The following PIGK variants were observed in gnomAD, a reference collection of about 807,000 sequenced individuals.
PIGK encodes the protein GPI-anchor transamidase.
A neutral mutation model predicts 50.6 loss-of-function variants in PIGK; 42 were observed. That is an observed-to-expected ratio of 0.83 (90% CI 0.65 to 1.07). The LOEUF (loss-of-function observed/expected upper bound fraction) is 1.07. Ranked by LOEUF, PIGK falls within the 50% of genes least tolerant of loss-of-function variation. The probability of loss-of-function intolerance (pLI) is 0.00; values close to 1 mark genes in which losing one functional copy is unlikely to be tolerated. For missense variants in PIGK, 448 were observed against 488.7 expected (o/e 0.92, Z 0.78); for synonymous variants, 151 against 156.0 (o/e 0.97, Z 0.24).
At chr1:77,170,078 A>G (rs1655326487) in intron 3 of PIGK, among the ~76,000 whole-genome samples, 1 of 152,154 alleles carries the variant, frequency 6.6e-6, no homozygotes, top group Non-Finnish European at 1.5e-5. Flanking sequence ...ACCCTCTTTC[A>G]GTTCATTCTC....
At chr1:77,126,052 A>C (rs1390829829) in intron 9 of PIGK, among the ~76,000 whole-genome samples, 3 of 151,976 alleles carry the variant, frequency 2.0e-5, no homozygotes, top group Non-Finnish European at 4.4e-5. Flanking sequence ...GCTGTTTCAC[A>C]TATCTTCCTG....
chr1:77,130,408 A>G (rs753804475), intron 9 of PIGK, among the ~76,000 whole-genome samples: 17 of 150,884 alleles, frequency 1.1e-4, no homozygotes, highest in Non-Finnish European at 1.9e-4. Context: ...GTACAGTGTA[A>G]AGGGGAAATC....
At chr1:77,163,266 T>C (rs1557810744) in intron 6 of PIGK, among the ~76,000 whole-genome samples, 1 of 152,208 alleles carries the variant, frequency 6.6e-6, no homozygotes, top group Non-Finnish European at 1.5e-5. Context: ...ATAAGCATCA[T>C]ATTCCACTTT....
intron 2 of PIGK, among the ~76,000 whole-genome samples, chr1:77,207,513 T>C (rs1656316207): frequency 6.6e-6 from 1 of 152,066 alleles, no homozygotes; most frequent in South Asian, 2.1e-4. Context: ...CAGTTGTAAA[T>C]GTACATAAGA....
chr1:77,164,449 AT>A (rs1655193481), intron 5 of PIGK, among the ~76,000 whole-genome samples: 1 of 152,180 alleles, frequency 6.6e-6, no homozygotes, highest in South Asian at 2.1e-4. Flanking sequence ...TTCCTCAGCC[AT>A]AAAGTGAGAA....
At chr1:77,198,066 T>C (rs1656076064) in intron 3 of PIGK, among the ~76,000 whole-genome samples, 1 of 152,146 alleles carries the variant, frequency 6.6e-6, no homozygotes, top group African/African-American at 2.4e-5. Context: ...GCTCTGAAGA[T>C]AGGCTACTGT....
intron 9 of PIGK, among the ~76,000 whole-genome samples, chr1:77,123,745 T>TA (rs1213331078): frequency 6.6e-6 from 1 of 152,126 alleles, no homozygotes; most frequent in African/African-American, 2.4e-5. Context: ...TAAATGTATT[T>TA]AATGCCACTA....
At chr1:77,113,803 CTCTTT>C (rs1311820518) in intron 10 of PIGK, among the ~76,000 whole-genome samples, 1 of 152,124 alleles carries the variant, frequency 6.6e-6, no homozygotes, top group Non-Finnish European at 1.5e-5. Context: ...CAAAAACTTT[CTCTTT>C]TCAAGTGAGC....
chr1:77,206,463 G>A (rs565986098), intron 3 of PIGK, among the ~76,000 whole-genome samples, 177 bp downstream of exon 3: 7 of 151,674 alleles, frequency 4.6e-5, no homozygotes, highest in Non-Finnish European at 1.0e-4. Flanking sequence ...TGTCATTATG[G>A]TCTTAAGTAA....
intron 9 of PIGK, among the ~76,000 whole-genome samples, chr1:77,132,116 C>T (rs1160971186): frequency 1.3e-5 from 2 of 151,938 alleles, no homozygotes; most frequent in African/African-American, 2.4e-5. Context: ...ATTACGTTAG[C>T]CACCTCCAAA....
chr1:77,149,606 A>T (rs1258592043), intron 9 of PIGK, among the ~76,000 whole-genome samples: 1 of 152,300 alleles, frequency 6.6e-6, no homozygotes, highest in Non-Finnish European at 1.5e-5. Flanking sequence ...TAAAGCAAAT[A>T]TGATTAGATC....
chr1:77,170,524 AC>A (rs372050045), intron 3 of PIGK, among the ~76,000 whole-genome samples: 56 of 151,746 alleles, frequency 3.7e-4, no homozygotes, highest in Middle Eastern at 3.2e-3. Flanking sequence ...TATCACCACC[AC>A]CCCCATTAGG....
intron 3 of PIGK, among the ~76,000 whole-genome samples, chr1:77,174,239 G>A (rs1655430397): frequency 1.3e-5 from 2 of 152,172 alleles, no homozygotes; most frequent in Admixed American, 6.5e-5. Context: ...TGGCTAAAGT[G>A]GGGTAGTAAG....
rs1045196770 is a variant in PIGK at position 77,088,994 on chromosome 1, A to G, written c.*3380T>C. ...GACACTGCCACCTTTCCATGTTTGG[A>G]GTAAATAAATTTTTAATAACCAGTT... On this transcript the variant is annotated 3_prime_UTR_variant, in exon 11 of 11. Transcript: ENST00000370812. 1.3e-5 allele frequency: 2 copies of G among 152,190 alleles called. No homozygotes were observed. Among genetic ancestry groups the G allele is most frequent in the Non-Finnish European group, 2.9e-5 (2 of 68,040 alleles). The allele number at this position is 152,190 out of a possible 1,614,324, so 9.4% of individuals were successfully genotyped here.
intron 1 of PIGK, among the ~76,000 whole-genome samples, chr1:77,210,789 C>G (rs1656401064): frequency 6.6e-6 from 1 of 152,022 alleles, no homozygotes; most frequent in Non-Finnish European, 1.5e-5. Context: ...CCTGGAGACT[C>G]AGTTTCCTCA....
intron 10 of PIGK, among the ~76,000 whole-genome samples, chr1:77,095,213 A>G (rs1017582669): frequency 1.3e-5 from 2 of 152,172 alleles, no homozygotes; most frequent in Non-Finnish European, 2.9e-5. Context: ...ACAATAATCC[A>G]TACAAAGGCA....
At chr1:77,175,507 A>G (rs901929428) in intron 3 of PIGK, among the ~76,000 whole-genome samples, 4 of 152,204 alleles carry the variant, frequency 2.6e-5, no homozygotes, top group Admixed American at 2.6e-4. Context: ...CATGTAATTG[A>G]GACTACTGAA....
rs377703994 is a variant in PIGK, at chr1:77,166,714, A to G, written c.487+5T>C. On this transcript the variant is annotated splice_donor_5th_base_variant and intron_variant, in intron 5 of 10. Coordinates refer to ENST00000370812, the MANE Select transcript of PIGK (RefSeq NM_005482.3). The stretch of plus-strand genomic sequence containing the variant: ...TACTATAAAAACTCTAAATTATGAA[A>G]TTACCTGTCATATAAATTAGAATAT... 1.4e-4 allele frequency: 195 copies of G among 1,387,026 alleles called. No homozygotes were observed. The highest frequency in any genetic ancestry group is 1.9e-4 in the Non-Finnish European group (188 of 991,386). The allele number at this position is 1,387,026 out of a possible 1,614,324, so 85.9% of individuals were successfully genotyped here.
At chr1:77,129,676 A>T (rs1159226483) in intron 9 of PIGK, 20 of 1,149,436 alleles carry the variant, frequency 1.7e-5, no homozygotes, top group Admixed American at 6.0e-5. Context: ...TAAATTCAGC[A>T]TTAAAATAAA....
Sources: allele counts gnomAD v4.1 joint callset (sites outside exome capture counted in the v4.1 genomes callset), GRCh38; gene constraint gnomAD v4.1.1; transcripts MANE v1.5; gene names NCBI Gene and HGNC (gene_info 2026-07-23, HGNC 2026-07-21).